Variants in LMF1 observed in about 807,000 individuals in gnomAD.
LMF1 encodes lipase maturation factor 1, also known as transmembrane protein 112.
In LMF1, 68 loss-of-function variants were observed where a neutral mutation model predicts 60.6. The observed-to-expected ratio is 1.12, with a 90% CI of 0.92 to 1.37. The LOEUF is 1.37. Ranked by LOEUF, LMF1 falls within the 40% of genes most tolerant of loss-of-function variation. LMF1 has a pLI of 0.00. For synonymous variants in LMF1, 418 were observed against 324.7 expected (o/e 1.29, Z -3.09); for missense variants, 948 against 767.2 (o/e 1.24, Z -2.78).
intron 2 of LMF1, among the ~76,000 whole-genome samples, chr16:948,819 T>A (rs1262744258): frequency 9.7e-6 from 1 of 103,042 alleles, no homozygotes; most frequent in African/African-American, 4.3e-5. Context: ...AACGACAGAG[T>A]CAGCCAACGA....
Position 949,839 on chromosome 16 carries a change from G to A in LMF1, c.503+4518C>T, listed in dbSNP as rs572112064. On this transcript the variant is annotated intron_variant, in intron 2 of 10. Transcript: ENST00000262301. ...TGACAGAGTCAGAGACAACGACAGA[G>A]TTAGAGACAACGACAGAGTCAGCCA... 5.3e-5 allele frequency among the ~76,000 whole-genome samples: 6 copies of A among 112,316 alleles called. 1 individual carries two copies. The East Asian group carries it at 1.3e-3, about 23-fold the overall frequency. 73.7% of individuals were successfully genotyped at this position (112,316 alleles called of 152,430 possible). A position where few individuals can be genotyped will look rare whatever the true frequency, so the allele number is the denominator to read the frequency against.
intron 2 of LMF1, among the ~76,000 whole-genome samples, chr16:939,448 C>T (rs376115964): frequency 1.3e-5 from 2 of 152,250 alleles, no homozygotes; most frequent in Non-Finnish European, 2.9e-5. Context: ...ACGTGCCGGC[C>T]GGTGGGCTTG....
At chr16:885,383 C>T (rs890214744) in intron 5 of LMF1, among the ~76,000 whole-genome samples, 3 of 152,140 alleles carry the variant, frequency 2.0e-5, no homozygotes, top group African/African-American at 7.2e-5. Context: ...AGGCTGAAAC[C>T]TTCCCCAGGA....
chr16:967,099 T>C (rs1019612898), intron 1 of LMF1, among the ~76,000 whole-genome samples: 2 of 152,194 alleles, frequency 1.3e-5, no homozygotes, highest in African/African-American at 4.8e-5. Context: ...GCTCTACCAC[T>C]GGCGCTGTAA....
chr16:873,125 G>A (rs981055605), intron 6 of LMF1: 2 of 152,312 alleles, frequency 1.3e-5, no homozygotes, highest in African/African-American at 4.8e-5. Context: ...GCCCCGTTCA[G>A]CTGCTCTGGT....
rs148309800 is a variant in LMF1, at chr16:863,974, C to CGATGA, written c.1529+4965_1529+4969dup. Among the ~76,000 whole-genome samples, 1,075 of 152,344 alleles carry CGATGA rather than the reference C, an allele frequency of 7.1e-3. 6 individuals carry two copies. The highest frequency in any genetic ancestry group is 0.025 in the African/African-American group (1,021 of 41,570). On this transcript the variant is annotated intron_variant, in intron 10 of 10. Coordinates refer to ENST00000262301, the MANE Select transcript of LMF1 (RefSeq NM_022773.4). ...ATAAACATCATTAGGCCCTGCCTGT[C>CGATGA]GATGATGGTGCTCCTTTATGTTCTT... is the stretch of plus-strand genomic sequence containing the variant.
At chr16:981,338 G>C (rs1157120012), upstream of LMF1, 2 of 323,508 alleles carry the variant, frequency 6.2e-6, no homozygotes, top group African/African-American at 2.7e-5. Flanking sequence ...GAGAGAGAGA[G>C]AGAGAGAGAG....
intron 10 of LMF1, among the ~76,000 whole-genome samples, chr16:859,227 G>T (rs867389847): frequency 3.2e-5 from 4 of 123,356 alleles, no homozygotes; most frequent in African/African-American, 1.5e-4. Flanking sequence ...GGTGTGCAGT[G>T]GTGTCACGGG....
At chr16:858,676 C>T (rs370746744) in intron 10 of LMF1, among the ~76,000 whole-genome samples, 7 of 45,600 alleles carry the variant, frequency 1.5e-4, no homozygotes, top group Non-Finnish European at 2.0e-4. Context: ...TGTCACGGGA[C>T]GGGTGTGAGT....
intron 3 of LMF1, among the ~76,000 whole-genome samples, chr16:913,642 G>A (rs1164204515): frequency 6.6e-6 from 1 of 152,260 alleles, no homozygotes; most frequent in East Asian, 1.9e-4. Context: ...GCCCAAGGCA[G>A]GAGCCTGTGG....
Position 870,817 on chromosome 16 carries a change from C to A in LMF1, c.1144G>T (p.Val382Leu), listed in dbSNP as rs370036895. The stretch of plus-strand genomic sequence containing the variant: ...CTGGAGCTCAGCAAGTTGAGGACCA[C>A]GGGCACGCTGAGCCAGGCCAGCAGG... ...GVLLAWLSVP[V>L]VLNLLSSRQV... The change falls in exon 8 of 11, where the codon GTG becomes TTG. Residue 382 changes from valine (V) to leucine (L), a missense_variant. Coordinates refer to ENST00000262301, the MANE Select transcript of LMF1 (RefSeq NM_022773.4). 1 of 1,612,596 alleles carries A rather than the reference C, an allele frequency of 6.2e-7. No homozygotes were observed. Among genetic ancestry groups the A allele is most frequent in the Non-Finnish European group, 8.5e-7 (1 of 1,179,780 alleles).
rs2151672203 is a variant in LMF1, at chr16:854,091, G to C, written c.*441C>G. 2 of 457,692 alleles carry C rather than the reference G, an allele frequency of 4.4e-6. No homozygotes were observed. The highest frequency in any genetic ancestry group is 1.4e-4 in the East Asian group (2 of 14,562). 28.4% of individuals were successfully genotyped at this position (457,692 alleles called of 1,614,324 possible). On this transcript the variant is annotated 3_prime_UTR_variant, in exon 11 of 11. Coordinates refer to ENST00000262301, the MANE Select transcript of LMF1 (RefSeq NM_022773.4). ...ACAGGGACTTGGCTCTGAGGGTCAG[G>C]ACCTGGCTGGGAACACACCATTGAA...
Position 870,856 on chromosome 16 carries a change from C to A in LMF1, c.1105G>T (p.Val369Phe), listed in dbSNP as rs373856375. 1 of 1,610,484 alleles carries A rather than the reference C, an allele frequency of 6.2e-7. No homozygotes were observed. The highest frequency in any genetic ancestry group is 1.3e-5 in the African/African-American group (1 of 74,926). The change falls in exon 8 of 11, where the codon GTC becomes TTC. Residue 369 changes from valine to phenylalanine, a missense_variant. By Grantham distance (50) the Val-to-Phe change is conservative. Coordinates refer to ENST00000262301, the MANE Select transcript of LMF1 (RefSeq NM_022773.4). ...CAGGCCAGCAGGACGCCCAGCGAGA[C>A]GTTGGCTGCACGCCGCACCACGGAG... ...FGSVVRRAAN[V>F]SLGVLLAWLS...
chr16:979,247 G>T (rs2073266126), intron 1 of LMF1: 2 of 375,856 alleles, frequency 5.3e-6, no homozygotes, highest in South Asian at 1.9e-5. Context: ...ATTTTCCTGG[G>T]GACTTCAAGG....
At chr16:908,436 A>T (rs1481151259) in intron 4 of LMF1, among the ~76,000 whole-genome samples, 1 of 152,172 alleles carries the variant, frequency 6.6e-6, no homozygotes, top group African/African-American at 2.4e-5. Context: ...CCACGTCCAG[A>T]AAGCTCTCCA....
At chr16:976,982 T>C (rs1042758629) in intron 1 of LMF1, 3 of 453,602 alleles carry the variant, frequency 6.6e-6, no homozygotes, top group African/African-American at 2.0e-5. Context: ...GAAATGCTCG[T>C]CCTCCGTGGA....
chr16:979,502 G>A (rs549156418), intron 1 of LMF1: 13 of 378,160 alleles, frequency 3.4e-5, no homozygotes, highest in African/African-American at 2.7e-4. Context: ...GCCTGAGGCA[G>A]GGTCTCAGTT....
intron 3 of LMF1, chr16:933,274 A>T (rs2071843928): frequency 6.6e-6 from 1 of 152,218 alleles, no homozygotes; most frequent in Non-Finnish European, 1.5e-5. Context: ...AATCAGGAAT[A>T]AGGTTCCTTT....
At position 870,890 on chromosome 16, in the gene LMF1, G is replaced by A. The variant is rs368124152; in HGVS notation, c.1079-8C>T. 34 of 1,600,532 alleles carry A rather than the reference G, an allele frequency of 2.1e-5. No individual in the cohort carries two copies. Among genetic ancestry groups the A allele is most frequent in the Non-Finnish European group, 2.7e-5 (32 of 1,176,894 alleles). On this transcript the variant is annotated splice_polypyrimidine_tract_variant and splice_region_variant and intron_variant, in intron 7 of 10. Coordinates refer to ENST00000262301, the MANE Select transcript of LMF1 (RefSeq NM_022773.4). The stretch of plus-strand genomic sequence containing the variant: ...CACGCCGCACCACGGAGCCTGGCAG[G>A]GGAGTGACATCTTCCAGGTGGGGCT...
Sources: gnomAD v4.1 joint callset for allele counts (sites outside exome capture counted in the v4.1 genomes callset) on GRCh38, gnomAD v4.1.1 for gene constraint, MANE v1.5 for transcripts, NCBI Gene and HGNC (gene_info 2026-07-23, HGNC 2026-07-21) for gene names.